The following ZFR2 variants were observed in gnomAD, a reference collection of about 807,000 sequenced individuals.
The protein encoded by ZFR2 is zinc finger RNA-binding protein 2.
In ZFR2, 104 loss-of-function variants were observed where a neutral mutation model predicts 105.7. That is an observed-to-expected ratio of 0.98 (90% CI 0.84 to 1.16). The LOEUF (loss-of-function observed/expected upper bound fraction) is 1.16. ZFR2 is among the 50% of genes most tolerant of loss of function. ZFR2 has a pLI of 0.00. For synonymous variants in ZFR2, 634 were observed against 597.7 expected (o/e 1.06, Z -0.89); for missense variants, 1,425 against 1,355.5 (o/e 1.05, Z -0.80).
At position 3,862,880 on chromosome 19, in the gene ZFR2, G is replaced by C. The variant is rs187444729; in HGVS notation, c.53+6085C>G. On this transcript the variant is annotated intron_variant, in intron 1 of 18. Transcript: ENST00000262961. ...GGCAAGTTCCCCCCTCGCTCCTCCA[G>C]GGTCGTGCTCCCTGGAAAGAATGGG... 3.4e-3 allele frequency among the ~76,000 whole-genome samples: 520 copies of C among 152,338 alleles called. 3 individuals carry two copies. Among genetic ancestry groups the C allele is most frequent in the African/African-American group, 0.012 (506 of 41,588 alleles).
Position 3,823,260 on chromosome 19 carries a change from C to G in ZFR2, c.1357G>C (p.Glu453Gln). 6.2e-7 allele frequency: 1 copy of G among 1,613,974 alleles called. No homozygotes were observed. Among genetic ancestry groups the G allele is most frequent in the Non-Finnish European group, 8.5e-7 (1 of 1,179,880 alleles). ...CCTCGACTTACCTCCTCCACATATT[C>G]CGGGCCCACCGGCTGCGCATCAGAG... The part of the protein sequence containing the change: ...GCSDAQPVGP[E>Q]YVEEVFSDEG... Residue 453 changes from glutamate to glutamine, a missense_variant, in exon 8 of 19, where the codon GAA becomes CAA. By Grantham distance (29) the Glu-to-Gln change is conservative (BLOSUM62 2). Coordinates refer to ENST00000262961, the MANE Select transcript of ZFR2 (RefSeq NM_015174.2). The surrounding 1 kb of genome is among the most constrained non-coding windows in gnomAD (Gnocchi z 5.4).
chr19:3,852,638 T>A (rs375631513), intron 1 of ZFR2: 30 of 717,038 alleles, frequency 4.2e-5, no homozygotes, highest in Non-Finnish European at 7.0e-5. Context: ...AAGGACATGG[T>A]GGGAAGGGCA....
chr19:3,854,542 G>C (rs72975111), intron 1 of ZFR2, among the ~76,000 whole-genome samples: 9,143 of 152,174 alleles, frequency 0.06, 324 homozygotes, highest in Non-Finnish European at 0.081. Context: ...ACCAAAAGTC[G>C]ATTATTCCAA....
rs200980853 is a variant in ZFR2, at chr19:3,831,669, C to T, written c.589G>A (p.Ala197Thr). The change falls in exon 4 of 19, where the codon GCC becomes ACC. Residue 197 changes from alanine (A) to threonine (T), a missense_variant. Physicochemically the swap from Ala to Thr is moderately conservative, Grantham distance 58 (BLOSUM62 0). Transcript: ENST00000262961. Reference protein sequence around the residue: ...PPPSYNPTCTAYTAPSYPNYD... With the variant: ...PPPSYNPTCTTYTAPSYPNYD... Reference sequence around the variant, plus strand: ...GGAACGCTGGTCTTACCCGTGTAGGCGGTGCAGGTGGGGTTGTAGGAGGGC... The same window carrying T: ...GGAACGCTGGTCTTACCCGTGTAGGTGGTGCAGGTGGGGTTGTAGGAGGGC... 83 of 1,549,564 alleles carry T rather than the reference C, an allele frequency of 5.4e-5. 1 individual carries two copies. Among genetic ancestry groups the T allele is most frequent in the Middle Eastern group, 3.4e-4 (2 of 5,854 alleles).
At position 3,823,931 on chromosome 19, in the gene ZFR2, C is replaced by A. The variant is rs374192614; in HGVS notation, c.1214-528G>T. ...CAGGGCAGAGACTCTTAGACAGACC[C>A]GGGTTCCAATTCCACCTCCACCGTT... On this transcript the variant is annotated intron_variant, in intron 7 of 18. Transcript: ENST00000262961. This position sits in a 1 kb window ranked among gnomAD's most constrained non-coding sequence, Gnocchi z 5.4. Among the ~76,000 whole-genome samples, 1 of 152,162 alleles carries A rather than the reference C, an allele frequency of 6.6e-6. No homozygotes were observed. The highest frequency in any genetic ancestry group is 1.5e-5 in the Non-Finnish European group (1 of 68,020).
intron 18 of ZFR2, 58 bp from the exon 19 acceptor site, chr19:3,806,183 G>GC: frequency 7.2e-7 from 1 of 1,389,428 alleles, no homozygotes; most frequent in Non-Finnish European, 9.3e-7. Flanking sequence ...CGAGTGCTGG[G>GC]GACACAGAGG....
intron 1 of ZFR2, among the ~76,000 whole-genome samples, chr19:3,853,285 G>A (rs1005945144): frequency 4.6e-5 from 7 of 152,146 alleles, no homozygotes; most frequent in Non-Finnish European, 8.8e-5. Flanking sequence ...GGGCGGTCAC[G>A]CTGACTCCCC....
intron 14 of ZFR2, among the ~76,000 whole-genome samples, chr19:3,812,120 T>C (rs541944060): frequency 1.3e-5 from 2 of 152,090 alleles, no homozygotes; most frequent in Admixed American, 6.6e-5. Flanking sequence ...ATTTTTATAT[T>C]TTTAGTAGAG....
Position 3,805,855 on chromosome 19 carries a change from T to C in ZFR2, c.*94A>G, listed in dbSNP as rs376138562. On this transcript the variant is annotated 3_prime_UTR_variant, in exon 19 of 19. Transcript: ENST00000262961. ...GCGTTACTCAAAAGGAAATGACCAT[T>C]GTCCAACGTCGGGGATGAAGCAGCC... 11 of 1,349,440 alleles carry C rather than the reference T, an allele frequency of 8.2e-6. No individual in the cohort carries two copies. Among genetic ancestry groups the C allele is most frequent in the Non-Finnish European group, 1.1e-5 (11 of 1,029,678 alleles). The allele number at this position is 1,349,440 out of a possible 1,614,324, so 83.6% of individuals were successfully genotyped here.
Position 3,807,316 on chromosome 19 carries a change from G to A in ZFR2, c.2546-47C>T, listed in dbSNP as rs76121306. On this transcript the variant is annotated intron_variant, in intron 17 of 18. Transcript: ENST00000262961. ...CAGCAAAGAAGGCGAGAATGCCCTC[G>A]TGAAAGACGGTGACAGGGCCGTCCC... is the stretch of plus-strand genomic sequence containing the variant. The A allele has an allele frequency of 2.0e-4, 279 of 1,391,458 alleles. 1 individual carries two copies. The East Asian group carries it at 3.7e-3, about 19-fold the overall frequency. The allele number at this position is 1,391,458 out of a possible 1,614,324, so 86.2% of individuals were successfully genotyped here.
intron 1 of ZFR2, 56 bp downstream of exon 1, chr19:3,868,909 C>A: frequency 8.1e-7 from 1 of 1,232,630 alleles, no homozygotes; most frequent in South Asian, 3.4e-5. Flanking sequence ...TAGGCGGGGT[C>A]CCGGCCAGGC....
In ZFR2 at chr19:3,813,816, G is replaced by A. The variant is rs375311963; in HGVS notation, c.2242+4C>T. 4.3e-5 allele frequency: 69 copies of A among 1,613,402 alleles called. No individual in the cohort carries two copies. The highest frequency in any genetic ancestry group is 3.5e-4 in the African/African-American group (26 of 74,908). On this transcript the variant is annotated splice_donor_region_variant and intron_variant, in intron 14 of 18. Coordinates refer to ENST00000262961, the MANE Select transcript of ZFR2 (RefSeq NM_015174.2). This position sits in a 1 kb window ranked among gnomAD's most constrained non-coding sequence, Gnocchi z 4.4. ...AGTGGTTGGAAGGAAGGGCTGGGCC[G>A]CACCTGGGTCTGTGGAGGGGTCCTC...
At chr19:3,809,112 A>C in intron 16 of ZFR2, 129 bp from the exon 17 acceptor site, 1 of 639,540 alleles carries the variant, frequency 1.6e-6, no homozygotes, top group East Asian at 3.3e-5. Context: ...CACCCACTGA[A>C]CTTCCGCCGA....
intron 1 of ZFR2, among the ~76,000 whole-genome samples, chr19:3,850,415 TG>T (rs2038226134): frequency 6.6e-6 from 1 of 152,176 alleles, no homozygotes; most frequent in Middle Eastern, 3.4e-3. Context: ...AGGAGCCACC[TG>T]GGCATCTCAT....
chr19:3,848,788 G>A (rs1379567319), intron 1 of ZFR2, among the ~76,000 whole-genome samples: 4 of 151,774 alleles, frequency 2.6e-5, no homozygotes, highest in Admixed American at 2.0e-4. Flanking sequence ...TCAGGAGATC[G>A]AGACCATCCT....
intron 1 of ZFR2, among the ~76,000 whole-genome samples, chr19:3,866,099 C>T (rs1369623904): frequency 3.3e-5 from 5 of 152,130 alleles, no homozygotes; most frequent in African/African-American, 9.7e-5. Flanking sequence ...GCCTCGGCCT[C>T]CCAAAGTGCT....
rs749884294 is a variant in ZFR2, at chr19:3,821,434, G to C, written c.1537C>G (p.Arg513Gly). 1.2e-6 allele frequency: 2 copies of C among 1,609,636 alleles called. No homozygotes were observed. Among genetic ancestry groups the C allele is most frequent in the Admixed American group, 1.7e-5 (1 of 59,904 alleles). The change falls in exon 10 of 19, where the codon CGG becomes GGG. Residue 513 changes from arginine (R) to glycine (G), a missense_variant. Coordinates refer to ENST00000262961, the MANE Select transcript of ZFR2 (RefSeq NM_015174.2). ...CGCTCCTCCAGGACCTTCCGAGCCC[G>C]GCTGCTGGGCTCCGTGGCAATGGGA... is the stretch of plus-strand genomic sequence containing the variant. Reference protein sequence around the residue: ...DLPIATEPSSRARKVLEERMR... With the variant: ...DLPIATEPSSGARKVLEERMR...
intron 18 of ZFR2, 46 bp from the exon 19 acceptor site, chr19:3,806,171 C>A (rs1434175919): frequency 1.4e-6 from 2 of 1,391,070 alleles, no homozygotes; most frequent in Non-Finnish European, 1.9e-6. Context: ...CGCTCTGCTC[C>A]CCGAGTGCTG....
chr19:3,821,939 C>G (rs576142578), intron 9 of ZFR2, 142 bp downstream of exon 9: 3 of 1,295,764 alleles, frequency 2.3e-6, no homozygotes, highest in African/African-American at 1.5e-5. Context: ...AGGACCAAGA[C>G]GTTGAAAACC....
Sources: gnomAD v4.1 joint callset for allele counts (sites outside exome capture counted in the v4.1 genomes callset) on GRCh38, gnomAD v4.1.1 for gene constraint, Gnocchi (gnomAD v3.1) non-coding constraint, MANE v1.5 for transcripts, NCBI Gene and HGNC (gene_info 2026-07-23, HGNC 2026-07-21) for gene names.